CLCN7: variants seen among roughly 807,000 people sequenced by gnomAD.
The protein encoded by CLCN7 is Cl-/H+ antiporter 7, also known as H(+)/Cl(-) exchange transporter 7.
In CLCN7, 60 loss-of-function variants were observed where a neutral mutation model predicts 102.1. The observed-to-expected ratio is 0.59, with a 90% CI of 0.48 to 0.73. CLCN7 has a LOEUF of 0.73. CLCN7 is among the 30% of genes least tolerant of loss of function. The pLI is 0.00. For synonymous variants in CLCN7, 560 were observed against 490.5 expected, an observed-to-expected ratio of 1.14 and a Z score of -1.87; for missense variants, 962 against 1,125.7, an observed-to-expected ratio of 0.85 and a Z score of 2.08.
At position 1,448,586 on chromosome 16, in the gene CLCN7, G is replaced by A. The variant is rs1220637309; in HGVS notation, c.1883+95C>T. The A allele has an allele frequency of 3.1e-6, 5 of 1,601,424 alleles. No homozygotes were observed. In the East Asian group the frequency reaches 1.1e-4, roughly 36 times the overall value. On this transcript the variant is annotated intron_variant, in intron 20 of 24. Coordinates refer to ENST00000382745, the MANE Select transcript of CLCN7 (RefSeq NM_001287.6). Reference sequence around the variant, plus strand: ...GTGAAGCCGCTGGACAGGAAACGCGGGGCTGCCTGGAGCCCGCAAGCCGTG... The same window carrying A: ...GTGAAGCCGCTGGACAGGAAACGCGAGGCTGCCTGGAGCCCGCAAGCCGTG...
chr16:1,449,150 G>A (rs776126713), intron 18 of CLCN7, 57 bp from the exon 19 acceptor site: 4 of 1,607,054 alleles, frequency 2.5e-6, no homozygotes, highest in South Asian at 1.1e-5. Context: ...GGGTCACGTG[G>A]CCACTGCCTT....
In CLCN7 at chr16:1,445,981, G is replaced by C; in HGVS notation, c.*650C>G. The C allele has an allele frequency of 2.2e-6, 1 of 444,816 alleles. No individual in the cohort carries two copies. The highest frequency in any genetic ancestry group is 4.0e-6 in the Non-Finnish European group (1 of 248,804). The allele number at this position is 444,816 out of a possible 1,614,324, so 27.6% of individuals were successfully genotyped here. ...CTCAACATCACAGCACAGGGCCCGTGAGTCACCCCAGTCCTCTGGGCCTGT... is the reference window on the plus strand; with the variant it reads ...CTCAACATCACAGCACAGGGCCCGTCAGTCACCCCAGTCCTCTGGGCCTGT... On this transcript the variant is annotated 3_prime_UTR_variant, in exon 25 of 25. Transcript: ENST00000382745.
chr16:1,454,013 G>A (rs2038795187), intron 13 of CLCN7, 119 bp from the exon 14 acceptor site: 1 of 930,964 alleles, frequency 1.1e-6, no homozygotes. Context: ...ACGGCAGGGG[G>A]CTAGGGGGTC....
In CLCN7 at chr16:1,457,202, C is replaced by G; in HGVS notation, c.822+52G>C. 1 of 1,499,998 alleles carries G rather than the reference C, an allele frequency of 6.7e-7. No homozygotes were observed. Among genetic ancestry groups the G allele is most frequent in the Non-Finnish European group, 9.3e-7 (1 of 1,076,536 alleles). The allele number at this position is 1,499,998 out of a possible 1,614,324, so 92.9% of individuals were successfully genotyped here. ...GAAGCCCATCTCCCTGAGTGGTGCC[C>G]GTGCCCGTGCCCATGGCATCTGGAG... On this transcript the variant is annotated intron_variant, in intron 9 of 24. Coordinates refer to ENST00000382745, the MANE Select transcript of CLCN7 (RefSeq NM_001287.6). This position sits in a 1 kb window ranked among gnomAD's most constrained non-coding sequence, Gnocchi z 5.4.
At chr16:1,448,852 C>A (rs895027135) in intron 19 of CLCN7, 86 bp from the exon 20 acceptor site, 1 of 1,594,528 alleles carries the variant, frequency 6.3e-7, no homozygotes, top group East Asian at 2.2e-5. Flanking sequence ...CCAGAGGCCG[C>A]CCCCAGAAAC....
chr16:1,456,488 C>T (rs138270234), intron 9 of CLCN7, among the ~76,000 whole-genome samples: 4 of 152,242 alleles, frequency 2.6e-5, no homozygotes, highest in African/African-American at 7.2e-5. Context: ...TAACGAAAAG[C>T]GCACGGATGG....
intron 2 of CLCN7, among the ~76,000 whole-genome samples, chr16:1,464,971 C>CG (rs1272081370): frequency 6.6e-6 from 1 of 152,098 alleles, no homozygotes; most frequent in South Asian, 2.1e-4. Flanking sequence ...TCACTGCCCC[C>CG]CCAAGATCCC....
chr16:1,456,095 C>T lies in CLCN7; in HGVS notation c.916+18G>A, dbSNP rs367669788. 6.3e-5 allele frequency: 96 copies of T among 1,534,724 alleles called. No individual in the cohort carries two copies. The highest frequency in any genetic ancestry group is 1.7e-4 in the Middle Eastern group (1 of 5,806). The stretch of plus-strand genomic sequence containing the variant: ...CAGGGCGAGGGCAAAGCATTGGACC[C>T]GGTGCGGCCCTCCTCACCCACGGGG... On this transcript the variant is annotated intron_variant, in intron 10 of 24. Coordinates refer to ENST00000382745, the MANE Select transcript of CLCN7 (RefSeq NM_001287.6).
At chr16:1,464,504 C>T (rs576373942) in intron 2 of CLCN7, among the ~76,000 whole-genome samples, 8 of 152,376 alleles carry the variant, frequency 5.3e-5, no homozygotes, top group African/African-American at 1.9e-4. Flanking sequence ...CCGGAAGAGG[C>T]GCTGCTGGCT....
chr16:1,474,695 C>T lies in CLCN7; in HGVS notation c.141+139G>A, dbSNP rs374834307. ...CCAGCCCGGCCCCGCCGAGGAGCCC[C>T]GGGGCGCGTTCCCGAGTCCACCGCG... On this transcript the variant is annotated intron_variant, in intron 1 of 24. Coordinates refer to ENST00000382745, the MANE Select transcript of CLCN7 (RefSeq NM_001287.6). The T allele has an allele frequency of 5.4e-5, 40 of 742,940 alleles. No individual in the cohort carries two copies. The East Asian group carries it at 1.5e-3, about 27-fold the overall frequency. 46.0% of individuals were successfully genotyped at this position (742,940 alleles called of 1,614,324 possible).
intron 4 of CLCN7, 98 bp from the exon 5 acceptor site, chr16:1,461,046 T>C: frequency 6.8e-7 from 1 of 1,477,490 alleles, no homozygotes; most frequent in Non-Finnish European, 9.2e-7. Flanking sequence ...CCCGGGATTA[T>C]GAAGGGCCCA....
At chr16:1,469,743 C>G (rs148667635) in intron 1 of CLCN7, among the ~76,000 whole-genome samples, 173 of 152,278 alleles carry the variant, frequency 1.1e-3, no homozygotes, top group African/African-American at 3.8e-3. Context: ...AAAAAAGCAG[C>G]GTCTGAAAGT....
intron 1 of CLCN7, 26 bp downstream of exon 1, chr16:1,474,808 C>T: frequency 3.1e-6 from 4 of 1,303,418 alleles, no homozygotes; most frequent in Non-Finnish European, 3.9e-6. Flanking sequence ...GCTCAGTTTC[C>T]CCGCCTGCGC....
chr16:1,466,413 C>T (rs2039005683), intron 1 of CLCN7, among the ~76,000 whole-genome samples: 1 of 152,238 alleles, frequency 6.6e-6, no homozygotes, highest in African/African-American at 2.4e-5. Context: ...CAGGAGCCCA[C>T]AGGGCCGAGG....
chr16:1,451,518 CCCCCAGCCCAGGGCTGCAA>C, intron 16 of CLCN7, 86 bp downstream of exon 16: 1 of 902,484 alleles, frequency 1.1e-6, no homozygotes, highest in Non-Finnish European at 1.8e-6. Flanking sequence ...TAGGGATGAC[CCCCCAGCCCAGGGCTGCAA>C]CCTCAGCCCA....
At chr16:1,461,300 G>A (rs1382327931) in intron 4 of CLCN7, 105 bp downstream of exon 4, 6 of 983,060 alleles carry the variant, frequency 6.1e-6, no homozygotes, top group Non-Finnish European at 9.4e-6. Context: ...GTCAGAGGAG[G>A]AGGGAGGAGG....
In CLCN7 at chr16:1,448,401, G is replaced by C; in HGVS notation, c.1967C>G (p.Ser656Cys). The change falls in exon 21 of 25, where the codon TCC becomes TGC. Residue 656 changes from serine to cysteine, a missense_variant. Physicochemically the swap from Ser to Cys is moderately radical, Grantham distance 112. Coordinates refer to ENST00000382745, the MANE Select transcript of CLCN7 (RefSeq NM_001287.6). ...VIVDVLSDTASNHNGFPVVEH... is the reference protein window; with the variant it reads ...VIVDVLSDTACNHNGFPVVEH... Reference sequence around the variant, plus strand: ...CACCACGGGGAAGCCGTTGTGATTGGACGCCGTGTCGCTCAGCACGTCCAC... The same window carrying C: ...CACCACGGGGAAGCCGTTGTGATTGCACGCCGTGTCGCTCAGCACGTCCAC... 1 of 1,612,748 alleles carries C rather than the reference G, an allele frequency of 6.2e-7. No homozygotes were observed. The highest frequency in any genetic ancestry group is 8.5e-7 in the Non-Finnish European group (1 of 1,179,978).
intron 6 of CLCN7, among the ~76,000 whole-genome samples, chr16:1,459,621 A>G (rs2038900411): frequency 2.4e-5 from 1 of 42,192 alleles, no homozygotes; most frequent in Non-Finnish European, 4.6e-5. Flanking sequence ...GGCCCCAGGG[A>G]AGGGGAGCTC....
intron 2 of CLCN7, among the ~76,000 whole-genome samples, chr16:1,464,518 C>T (rs538805448): frequency 1.3e-5 from 2 of 152,396 alleles, no homozygotes; most frequent in South Asian, 4.1e-4. Context: ...GCTGGCTGTA[C>T]AGGACGGCAT....
Sources: allele counts gnomAD v4.1 joint callset (sites outside exome capture counted in the v4.1 genomes callset), GRCh38; gene constraint gnomAD v4.1.1; non-coding constraint Gnocchi (gnomAD v3.1); transcripts MANE v1.5; gene names NCBI Gene and HGNC (gene_info 2026-07-23, HGNC 2026-07-21).